Variants in COL5A1 observed in about 807,000 individuals in gnomAD.
The protein encoded by COL5A1 is collagen type V alpha 1 chain.
COL5A1 carries 16 observed loss-of-function variants against 263.7 expected under a neutral mutation model. The observed-to-expected ratio is 0.06, with a 90% CI of 0.04 to 0.09. The LOEUF is 0.09. Ranked by LOEUF, COL5A1 falls within the 10% of genes least tolerant of loss-of-function variation. The probability of loss-of-function intolerance (pLI) is 1.00; values close to 1 mark genes in which losing one functional copy is unlikely to be tolerated. For synonymous variants in COL5A1, 1,012 were observed against 1,004.5 expected (o/e 1.01, Z -0.14); for missense variants, 2,036 against 2,540.5 (o/e 0.80, Z 4.27).
intron 1 of COL5A1, among the ~76,000 whole-genome samples, chr9:134,645,924 T>C (rs2132462406): frequency 6.6e-6 from 1 of 152,310 alleles, no homozygotes; most frequent in East Asian, 1.9e-4. Flanking sequence ...TTTAAGTTCC[T>C]TTCTTTCTCC....
rs1256985405 is a variant in COL5A1 at position 134,789,050 on chromosome 9, G to T, written c.2647-105G>T. The stretch of plus-strand genomic sequence containing the variant: ...TGGGTGGGTGGGCAGGTGGAGTCTG[G>T]GGCAGAGGCTGTGCACTGGCATGCA... On this transcript the variant is annotated intron_variant, in intron 31 of 65. Coordinates refer to ENST00000371817, the MANE Select transcript of COL5A1 (RefSeq NM_000093.5). The surrounding 1 kb of genome is among the most constrained non-coding windows in gnomAD (Gnocchi z 4.8). 4 of 992,486 alleles carry T rather than the reference G, an allele frequency of 4.0e-6. No individual in the cohort carries two copies. The Admixed American group carries it at 7.8e-5, about 19-fold the overall frequency. The allele number at this position is 992,486 out of a possible 1,614,324, so 61.5% of individuals were successfully genotyped here. A position where few individuals can be genotyped will look rare whatever the true frequency, so the allele number is the denominator to read the frequency against.
chr9:134,750,665 G>A (rs768970343), intron 12 of COL5A1, 49 bp downstream of exon 12: 2 of 1,604,634 alleles, frequency 1.2e-6, no homozygotes, highest in East Asian at 2.2e-5. Flanking sequence ...GGGCAGGTGG[G>A]ATCCAAACCA....
chr9:134,708,867 G>A (rs57586885), intron 4 of COL5A1: 5,662 of 456,588 alleles, frequency 0.012, 143 homozygotes, highest in East Asian at 0.092. Flanking sequence ...CTTCCAGCGG[G>A]GGACTCTGCC....
At chr9:134,819,393 G>T (rs1292264241) in intron 57 of COL5A1, among the ~76,000 whole-genome samples, 1 of 152,232 alleles carries the variant, frequency 6.6e-6, no homozygotes, top group Non-Finnish European at 1.5e-5. Flanking sequence ...GATCCTTTCC[G>T]CAGGAGGTGT....
At chr9:134,729,124 T>G (rs749338265) in intron 6 of COL5A1, among the ~76,000 whole-genome samples, 1 of 152,146 alleles carries the variant, frequency 6.6e-6, no homozygotes, top group Non-Finnish European at 1.5e-5. Context: ...ATGAGTTTGG[T>G]TCTCGGGTTC....
chr9:134,668,954 C>CCCATCCATCCATCCATCCATCCAT (rs760262319), intron 1 of COL5A1, among the ~76,000 whole-genome samples: 3 of 110,396 alleles, frequency 2.7e-5, no homozygotes, highest in Admixed American at 9.8e-5. Context: ...CACCCACCCA[C>CCCATCCATCCATCCATCCATCCAT]CCATCCATCC....
intron 27 of COL5A1, among the ~76,000 whole-genome samples, chr9:134,778,646 G>A (rs1397721526): frequency 2.6e-5 from 4 of 152,206 alleles, no homozygotes; most frequent in African/African-American, 9.7e-5. Context: ...GAGCTGCTCC[G>A]AGCCCACCTT....
rs766873179 is a variant in COL5A1 at position 134,642,728 on chromosome 9, C to T, written c.109+432C>T. 2.0e-5 allele frequency among the ~76,000 whole-genome samples: 3 copies of T among 152,320 alleles called. No homozygotes were observed. The highest frequency in any genetic ancestry group is 7.2e-5 in the African/African-American group (3 of 41,584). ...CCTAGAGTTACAGCCCTTCAAATCC[C>T]GGGACTCCTGGGGATGGGGGGAATC... On this transcript the variant is annotated intron_variant, in intron 1 of 65. Transcript: ENST00000371817. This position sits in a 1 kb window ranked among gnomAD's most constrained non-coding sequence, Gnocchi z 4.5.
At chr9:134,721,724 G>T (rs917129447) in intron 4 of COL5A1, among the ~76,000 whole-genome samples, 2 of 152,234 alleles carry the variant, frequency 1.3e-5, no homozygotes, top group African/African-American at 4.8e-5. Context: ...GCGCTAGCTC[G>T]TGCAGCCATG....
intron 1 of COL5A1, among the ~76,000 whole-genome samples, chr9:134,658,249 T>C (rs1026187813): frequency 1.3e-4 from 20 of 152,250 alleles, no homozygotes; most frequent in African/African-American, 4.8e-4. Flanking sequence ...GCACCCACGC[T>C]GGGAGGTTCT....
intron 64 of COL5A1, 111 bp downstream of exon 64, chr9:134,830,155 T>A: frequency 1.2e-6 from 2 of 1,611,564 alleles, no homozygotes; most frequent in Non-Finnish European, 1.7e-6. Context: ...CCTGGTATAG[T>A]CAGTACAAGC....
At chr9:134,724,777 G>A (rs1364694170) in intron 4 of COL5A1, among the ~76,000 whole-genome samples, 1 of 152,200 alleles carries the variant, frequency 6.6e-6, no homozygotes, top group Non-Finnish European at 1.5e-5. Flanking sequence ...AGACAAAGCT[G>A]TCACTAGACT....
chr9:134,798,307 A>G, intron 36 of COL5A1, 101 bp from the exon 37 acceptor site: 2 of 1,063,264 alleles, frequency 1.9e-6, no homozygotes, highest in Non-Finnish European at 2.9e-6. Context: ...GTGCAGGGGC[A>G]GGAGCCATGG....
chr9:134,841,578 G>GT lies in COL5A1; in HGVS notation c.5371-578dup, dbSNP rs1199111533. Among the ~76,000 whole-genome samples the GT allele has an allele frequency of 3.3e-5, 5 of 152,152 alleles. No homozygotes were observed. Among genetic ancestry groups the GT allele is most frequent in the Admixed American group, 3.3e-4 (5 of 15,282 alleles). ...TCCTCTAGACCAGATGGTGTGGAAGGTCCCCACCCCTTCCCATACTTGTGG... is the reference window on the plus strand; with the variant it reads ...TCCTCTAGACCAGATGGTGTGGAAGGTTCCCCACCCCTTCCCATACTTGTGG... On this transcript the variant is annotated intron_variant, in intron 65 of 65. Coordinates refer to ENST00000371817, the MANE Select transcript of COL5A1 (RefSeq NM_000093.5). The surrounding 1 kb of genome is among the most constrained non-coding windows in gnomAD (Gnocchi z 4.8).
In COL5A1 at chr9:134,842,387, C is replaced by T. The variant is rs556166320; in HGVS notation, c.*84C>T. On this transcript the variant is annotated 3_prime_UTR_variant, in exon 66 of 66. Transcript: ENST00000371817. The surrounding 1 kb of genome is among the most constrained non-coding windows in gnomAD (Gnocchi z 5.8). Reference sequence around the variant, plus strand: ...GTGAGTGTCCCGTGCACGTCCTGACCCTGGACAGTGAAGGCTTCTCCCTCC... The same window carrying T: ...GTGAGTGTCCCGTGCACGTCCTGACTCTGGACAGTGAAGGCTTCTCCCTCC... The T allele has an allele frequency of 6.7e-7, 1 of 1,500,600 alleles. No individual in the cohort carries two copies. Among genetic ancestry groups the T allele is most frequent in the East Asian group, 2.3e-5 (1 of 42,806 alleles). The allele number at this position is 1,500,600 out of a possible 1,614,324, so 93.0% of individuals were successfully genotyped here.
intron 32 of COL5A1, among the ~76,000 whole-genome samples, chr9:134,793,011 G>A (rs754703963): frequency 7.9e-5 from 12 of 152,146 alleles, no homozygotes; most frequent in South Asian, 4.1e-4. Flanking sequence ...CAGAGCTAGC[G>A]TTGGTTCTGT....
chr9:134,779,615 C>T (rs1043807004), intron 27 of COL5A1, among the ~76,000 whole-genome samples: 5 of 152,154 alleles, frequency 3.3e-5, no homozygotes, highest in Non-Finnish European at 5.9e-5. Flanking sequence ...TAAGGGTTGT[C>T]GTCCTCTCCA....
chr9:134,692,318 G>C (rs1013352412), intron 2 of COL5A1, among the ~76,000 whole-genome samples: 1 of 152,116 alleles, frequency 6.6e-6, no homozygotes, highest in Non-Finnish European at 1.5e-5. Context: ...GGAACTCATC[G>C]GCTCAGACAG....
At chr9:134,730,141 T>G in intron 6 of COL5A1, 95 bp from the exon 7 acceptor site, 114 of 1,556,248 alleles carry the variant, frequency 7.3e-5, no homozygotes, top group Middle Eastern at 6.8e-4. Context: ...GCGTTGCCAC[T>G]GAGATGCCTG....
Sources: allele counts gnomAD v4.1 joint callset (sites outside exome capture counted in the v4.1 genomes callset), GRCh38; gene constraint gnomAD v4.1.1; non-coding constraint Gnocchi (gnomAD v3.1); transcripts MANE v1.5; gene names NCBI Gene and HGNC (gene_info 2026-07-23, HGNC 2026-07-21).